The following HSPA12A variants were observed in gnomAD, a reference collection of about 807,000 sequenced individuals.
The protein encoded by HSPA12A is heat shock protein family A (Hsp70) member 12A.
A neutral mutation model predicts 69.2 loss-of-function variants in HSPA12A; 28 were observed. The observed-to-expected ratio is 0.40, with a 90% CI of 0.30 to 0.55. HSPA12A has a LOEUF of 0.55. Ranked by LOEUF, HSPA12A falls within the 20% of genes least tolerant of loss-of-function variation. The probability of loss-of-function intolerance (pLI) is 0.38; values close to 1 mark genes in which losing one functional copy is unlikely to be tolerated. For synonymous variants in HSPA12A, 345 were observed against 370.5 expected (o/e 0.93, Z 0.79); for missense variants, 686 against 900.7 (o/e 0.76, Z 3.05).
chr10:116,724,325 A>T (rs1233668267), intron 1 of HSPA12A, among the ~76,000 whole-genome samples: 1 of 152,018 alleles, frequency 6.6e-6, no homozygotes, highest in East Asian at 1.9e-4. Flanking sequence ...AATGTTTCTG[A>T]TATATTATAT....
intron 1 of HSPA12A, among the ~76,000 whole-genome samples, chr10:116,717,485 G>A (rs539514632): frequency 1.3e-5 from 2 of 152,106 alleles, no homozygotes; most frequent in Non-Finnish European, 2.9e-5. Context: ...GAAGATCCAG[G>A]TAGGAGAGGC....
At chr10:116,797,730 C>T (rs1844861316) in intron 2 of HSPA12A, among the ~76,000 whole-genome samples, 1 of 152,204 alleles carries the variant, frequency 6.6e-6, no homozygotes, top group Admixed American at 6.5e-5. Context: ...ATGGCGTCAA[C>T]TGCTGAGAGC....
upstream of HSPA12A, among the ~76,000 whole-genome samples, chr10:116,744,444 G>A (rs1360480996): frequency 6.6e-6 from 1 of 152,180 alleles, no homozygotes; most frequent in African/African-American, 2.4e-5. Context: ...GCAGAAACCC[G>A]TAGCCCCTGC....
At chr10:116,850,318 A>C, upstream of HSPA12A, 1 of 162,104 alleles carries the variant, frequency 6.2e-6, no homozygotes, top group Non-Finnish European at 1.3e-5. Flanking sequence ...CTGGGTTCCT[A>C]CAGCATTTCC....
At chr10:116,741,663 C>T (rs1479262570) in intron 1 of HSPA12A, among the ~76,000 whole-genome samples, 2 of 152,276 alleles carry the variant, frequency 1.3e-5, no homozygotes, top group African/African-American at 2.4e-5. Flanking sequence ...AACCCCCTTC[C>T]CCGTCCTCTC....
rs183976352 is a variant in HSPA12A, at chr10:116,811,387, C to T, written c.91+23548G>A. Among the ~76,000 whole-genome samples the T allele has an allele frequency of 9.9e-5, 15 of 151,996 alleles. No individual in the cohort carries two copies. The East Asian group carries it at 2.1e-3, about 22-fold the overall frequency. On this transcript the variant is annotated intron_variant, in intron 2 of 12. Coordinates refer to the HSPA12A transcript ENST00000635765. Reference sequence around the variant, plus strand: ...AGATTCCTGGCCCCCAGGCCACCTCCGCAAGGCTCTTGTGCCATCTACACT... The same window carrying T: ...AGATTCCTGGCCCCCAGGCCACCTCTGCAAGGCTCTTGTGCCATCTACACT...
chr10:116,817,533 G>T (rs1203088203), intron 2 of HSPA12A, among the ~76,000 whole-genome samples: 1 of 151,064 alleles, frequency 6.6e-6, no homozygotes, highest in Non-Finnish European at 1.5e-5. Context: ...GGGTGGGGGT[G>T]GGGGGGATGG....
intron 1 of HSPA12A, among the ~76,000 whole-genome samples, chr10:116,733,959 C>A (rs572280591): frequency 1.3e-4 from 20 of 152,306 alleles, no homozygotes; most frequent in African/African-American, 4.8e-4. Context: ...TCCTACAAAT[C>A]TTCACATTCT....
At chr10:116,788,214 G>T (rs1408329733) in intron 2 of HSPA12A, among the ~76,000 whole-genome samples, 1 of 152,172 alleles carries the variant, frequency 6.6e-6, no homozygotes, top group African/African-American at 2.4e-5. Flanking sequence ...GGAGGCGGCC[G>T]TGCGCACAAC....
At chr10:116,787,457 A>C (rs1052063885) in intron 2 of HSPA12A, among the ~76,000 whole-genome samples, 4 of 150,354 alleles carry the variant, frequency 2.7e-5, no homozygotes, top group Non-Finnish European at 4.4e-5. Context: ...AAAAAAAAAA[A>C]AAAAAACCAC....
At position 116,676,512 on chromosome 10, in the gene HSPA12A, C is replaced by T; in HGVS notation, c.1287-10G>A. 6.2e-7 allele frequency: 1 copy of T among 1,607,630 alleles called. No homozygotes were observed. The highest frequency in any genetic ancestry group is 8.5e-7 in the Non-Finnish European group (1 of 1,174,538). ...CTTCACAAAATCCACACTGCAGGAG[C>T]ATAGCATGGAGAAGAGCAGGCAGTG... On this transcript the variant is annotated splice_polypyrimidine_tract_variant and intron_variant, in intron 10 of 11. Coordinates refer to ENST00000369209, the MANE Select transcript of HSPA12A (RefSeq NM_025015.3).
chr10:116,715,031 G>C (rs1313908100), intron 1 of HSPA12A, among the ~76,000 whole-genome samples: 2 of 152,180 alleles, frequency 1.3e-5, no homozygotes, highest in Non-Finnish European at 2.9e-5. Flanking sequence ...ACCCAGATGG[G>C]GGAAACTCGA....
chr10:116,677,703 G>A (rs1159862673), intron 10 of HSPA12A, among the ~76,000 whole-genome samples: 1 of 152,200 alleles, frequency 6.6e-6, no homozygotes, highest in African/African-American at 2.4e-5. Context: ...TCCAGGCCTG[G>A]GGTAGGGAAT....
chr10:116,728,973 C>T (rs1336056772), intron 1 of HSPA12A, among the ~76,000 whole-genome samples: 14 of 152,188 alleles, frequency 9.2e-5, no homozygotes, highest in Non-Finnish European at 8.8e-5. Flanking sequence ...GGCAAGGGCC[C>T]TCACACATCC....
intron 6 of HSPA12A, among the ~76,000 whole-genome samples, chr10:116,687,550 G>C (rs1246721273): frequency 3.9e-5 from 6 of 152,168 alleles, no homozygotes; most frequent in African/African-American, 1.2e-4. Flanking sequence ...CCGAGAAAAG[G>C]AGGAAATGCT....
chr10:116,813,247 ATTTT>A (rs71013618), intron 2 of HSPA12A, among the ~76,000 whole-genome samples: 1 of 100,028 alleles, frequency 1.0e-5, no homozygotes, highest in African/African-American at 3.7e-5. Context: ...CCAGAGCTCT[ATTTT>A]TTTTTTTTTT....
In HSPA12A at chr10:116,675,086, C is replaced by T. The variant is rs368656432; in HGVS notation, c.1723G>A (p.Asp575Asn). The T allele has an allele frequency of 2.7e-5, 44 of 1,613,876 alleles. No homozygotes were observed. Among genetic ancestry groups the T allele is most frequent in the East Asian group, 8.9e-5 (4 of 44,864 alleles). Residue 575 changes from aspartate (D) to asparagine (N), a missense_variant, in exon 12 of 12, where the codon GAC becomes AAC. Asp to Asn is a conservative substitution (Grantham distance 23). Coordinates refer to ENST00000369209, the MANE Select transcript of HSPA12A (RefSeq NM_025015.3). This position sits in a 1 kb window ranked among gnomAD's most constrained non-coding sequence, Gnocchi z 5.2. Reference protein sequence around the residue: ...TDVFDKFISADQSVALGELVK... With the variant: ...TDVFDKFISANQSVALGELVK... Reference sequence around the variant, plus strand: ...AGCTCACCCAGAGCCACAGACTGGTCGGCAGAGATGAACTTGTCAAAGACG... The same window carrying T: ...AGCTCACCCAGAGCCACAGACTGGTTGGCAGAGATGAACTTGTCAAAGACG...
chr10:116,687,212 G>A lies in HSPA12A; in HGVS notation c.664-3250C>T, dbSNP rs546320385. ...CATCTGTCCCTCTCCAGCTGGGCTG[G>A]CCTCAGCTCCACAGCAAAAGCTTTG... On this transcript the variant is annotated intron_variant, in intron 6 of 11. Coordinates refer to ENST00000369209, the MANE Select transcript of HSPA12A (RefSeq NM_025015.3). Among the ~76,000 whole-genome samples the A allele has an allele frequency of 1.2e-3, 183 of 152,276 alleles. 3 individuals carry two copies. In the South Asian group the frequency reaches 0.036, roughly 30 times the overall value.
chr10:116,726,729 C>CA (rs1554885084), intron 1 of HSPA12A, among the ~76,000 whole-genome samples: 1 of 152,240 alleles, frequency 6.6e-6, no homozygotes, highest in East Asian at 1.9e-4. Flanking sequence ...CATGGCCCTA[C>CA]TGCCTCCAGG....
Sources: allele counts gnomAD v4.1 joint callset (sites outside exome capture counted in the v4.1 genomes callset), GRCh38; gene constraint gnomAD v4.1.1; non-coding constraint Gnocchi (gnomAD v3.1); transcripts MANE v1.5; gene names NCBI Gene and HGNC (gene_info 2026-07-23, HGNC 2026-07-21).